The following SH3BP5L variants were observed in gnomAD, a reference collection of about 807,000 sequenced individuals.
SH3BP5L encodes SH3 domain-binding protein 5-like.
In SH3BP5L, 16 loss-of-function variants were observed where a neutral mutation model predicts 40.9. That is an observed-to-expected ratio of 0.39 (90% CI 0.27 to 0.59). The LOEUF (loss-of-function observed/expected upper bound fraction) is 0.59, where lower values mean the gene tolerates loss of function less well. Ranked by LOEUF, SH3BP5L falls within the 20% of genes least tolerant of loss-of-function variation. The probability of loss-of-function intolerance (pLI) is 0.53; values close to 1 mark genes in which losing one functional copy is unlikely to be tolerated. For synonymous variants in SH3BP5L, 229 were observed against 226.7 expected, an observed-to-expected ratio of 1.01 and a Z score of -0.09; for missense variants, 471 against 544.6, an observed-to-expected ratio of 0.86 and a Z score of 1.35.
chr1:248,825,898 GCAA>G lies in SH3BP5L; in HGVS notation c.-498_-496del. 1 of 579,150 alleles carries G rather than the reference GCAA, an allele frequency of 1.7e-6. No individual in the cohort carries two copies. Among genetic ancestry groups the G allele is most frequent in the Non-Finnish European group, 2.1e-6 (1 of 475,180 alleles). The allele number at this position is 579,150 out of a possible 1,614,324, so 35.9% of individuals were successfully genotyped here. On this transcript the variant is annotated 5_prime_UTR_variant, in exon 1 of 7. Transcript: ENST00000366472. The stretch of plus-strand genomic sequence containing the variant: ...AAACAATCTCCCCCCCTCCCTCCCC[GCAA>G]CAAGCCGATCCAACCAAAAACGACC...
chr1:248,822,107 C>T (rs143802240), intron 2 of SH3BP5L, among the ~76,000 whole-genome samples: 107 of 152,166 alleles, frequency 7.0e-4, no homozygotes, highest in Middle Eastern at 6.8e-3. Flanking sequence ...TTTTTATGGA[C>T]GGTGGATGGA....
At chr1:248,819,257 G>T (rs1314414735) in intron 2 of SH3BP5L, among the ~76,000 whole-genome samples, 1 of 152,226 alleles carries the variant, frequency 6.6e-6, no homozygotes, top group Admixed American at 6.5e-5. Flanking sequence ...CTACAACAGT[G>T]TAGACCCTGC....
At chr1:248,819,942 TAA>T (rs1196788744) in intron 2 of SH3BP5L, among the ~76,000 whole-genome samples, 1 of 152,140 alleles carries the variant, frequency 6.6e-6, no homozygotes, top group East Asian at 1.9e-4. Context: ...TAAAAAAATT[TAA>T]AAAAAGAGTG....
intron 5 of SH3BP5L, 163 bp downstream of exon 5, chr1:248,814,286 A>T (rs1440305847): frequency 2.7e-6 from 2 of 741,656 alleles, no homozygotes; most frequent in Non-Finnish European, 4.4e-6. Flanking sequence ...GAAGCAATGG[A>T]GGCCAAACAG....
In SH3BP5L at chr1:248,817,085, A is replaced by G. The variant is rs984009670; in HGVS notation, c.184-201T>C. The stretch of plus-strand genomic sequence containing the variant: ...GACCTGATACATACAATCTCACGTA[A>G]TCCTCACAACTCTACCTTGTATTGG... On this transcript the variant is annotated intron_variant, in intron 2 of 6. Transcript: ENST00000366472. The G allele has an allele frequency of 2.0e-6, 3 of 1,518,374 alleles. No homozygotes were observed. In the African/African-American group the frequency reaches 4.1e-5, roughly 21 times the overall value. 94.1% of individuals were successfully genotyped at this position (1,518,374 alleles called of 1,614,324 possible).
In SH3BP5L at chr1:248,814,674, T is replaced by C. The variant is rs748212337; in HGVS notation, c.376-64A>G. On this transcript the variant is annotated intron_variant, in intron 4 of 6. Coordinates refer to ENST00000366472, the MANE Select transcript of SH3BP5L (RefSeq NM_030645.3). ...GACCCCAGCTGCCCATGGAGACCCATAATAGACGTGAGGATAAGAGAAGGA... is the reference window on the plus strand; with the variant it reads ...GACCCCAGCTGCCCATGGAGACCCACAATAGACGTGAGGATAAGAGAAGGA... The C allele has an allele frequency of 3.2e-6, 5 of 1,549,362 alleles. No individual in the cohort carries two copies. In the Admixed American group the frequency reaches 8.4e-5, roughly 26 times the overall value.
Position 248,824,852 on chromosome 1 carries a change from A to G in SH3BP5L, c.84T>C (p.Pro28=). 6.2e-7 allele frequency: 1 copy of G among 1,614,012 alleles called. No individual in the cohort carries two copies. Among genetic ancestry groups the G allele is most frequent in the Non-Finnish European group, 8.5e-7 (1 of 1,179,978 alleles). Residue 28 remains proline (P), a synonymous_variant, in exon 2 of 7, where the codon CCT becomes CCC. Transcript: ENST00000366472. ...CAGGCTCTTCTGCGACTGGGCTCCTAGGGACTTCATCCTCTACAACTTCAG... is the reference window on the plus strand; with the variant it reads ...CAGGCTCTTCTGCGACTGGGCTCCTGGGGACTTCATCCTCTACAACTTCAG... The part of the protein sequence containing the change: ...LRPEVVEDEV[P]RSPVAEEPGG...
chr1:248,815,525 A>T (rs74157315), intron 4 of SH3BP5L, among the ~76,000 whole-genome samples: 7,580 of 152,238 alleles, frequency 0.05, 521 homozygotes, highest in African/African-American at 0.16. Flanking sequence ...TTGCTGGCCA[A>T]GGACAAACTG....
intron 2 of SH3BP5L, among the ~76,000 whole-genome samples, chr1:248,818,632 C>T (rs1664172587): frequency 6.6e-6 from 1 of 152,158 alleles, no homozygotes; most frequent in African/African-American, 2.4e-5. Flanking sequence ...CTTCCTGGCC[C>T]CTGGAAGGAC....
At chr1:248,824,016 C>T (rs546312433) in intron 2 of SH3BP5L, among the ~76,000 whole-genome samples, 2 of 152,168 alleles carry the variant, frequency 1.3e-5, no homozygotes, top group Non-Finnish European at 2.9e-5. Context: ...CACTGACTAC[C>T]CCCAGGTCTC....
chr1:248,811,912 G>C lies in SH3BP5L; in HGVS notation c.1170C>G (p.Ser390Arg). Reference protein sequence around the residue: ...GGARGGRHQRSVSL With the variant: ...GGARGGRHQRRVSL ...CCTGGCCCCTCGGCTACAGGCTGAC[G>C]CTGCGCTGGTGCCGACCCCCACGGG... The change falls in exon 7 of 7, where the codon AGC becomes AGG. Residue 390 changes from serine to arginine, a missense_variant. Transcript: ENST00000366472. The C allele has an allele frequency of 5.2e-6, 8 of 1,533,104 alleles. No individual in the cohort carries two copies. The highest frequency in any genetic ancestry group is 7.0e-6 in the Non-Finnish European group (8 of 1,137,308). 95.0% of individuals were successfully genotyped at this position (1,533,104 alleles called of 1,614,324 possible).
In SH3BP5L at chr1:248,825,881, T is replaced by TCCCCCCCCCCCC; in HGVS notation, c.-479_-478insGGGGGGGGGGGG. ...CGGAGCTTCTATGCTGCAAACAATC[T>TCCCCCCCCCCCC]CCCCCCCTCCCTCCCCGCAACAAGC... On this transcript the variant is annotated 5_prime_UTR_variant, in exon 1 of 7. Transcript: ENST00000366472. 1 of 941,906 alleles carries TCCCCCCCCCCCC rather than the reference T, an allele frequency of 1.1e-6. No individual in the cohort carries two copies. Among genetic ancestry groups the TCCCCCCCCCCCC allele is most frequent in the Non-Finnish European group, 1.3e-6 (1 of 794,254 alleles). The allele number at this position is 941,906 out of a possible 1,614,324, so 58.3% of individuals were successfully genotyped here.
At position 248,813,008 on chromosome 1, in the gene SH3BP5L, T is replaced by C; in HGVS notation, c.692A>G (p.Gln231Arg). ...AGCTACCTCCAGGATCTGGCTGAAC[T>C]GGGCCTTGAGCTCAAAGTAGGGGCG... The part of the protein sequence containing the change: ...KSRPYFELKA[Q>R]FSQILEEHKA... Residue 231 changes from glutamine to arginine, a missense_variant, in exon 6 of 7, where the codon CAG becomes CGG. Around this residue, in one of 2 missense-constraint regions of SH3BP5L, gnomAD observed 275 missense variants for 370.1 expected, o/e 0.74. Transcript: ENST00000366472. 5 of 1,596,920 alleles carry C rather than the reference T, an allele frequency of 3.1e-6. No individual in the cohort carries two copies. Among genetic ancestry groups the C allele is most frequent in the African/African-American group, 1.3e-5 (1 of 74,614 alleles).
rs1207102024 is a variant in SH3BP5L at position 248,811,354 on chromosome 1, G to C, written c.*546C>G. On this transcript the variant is annotated 3_prime_UTR_variant, in exon 7 of 7. Transcript: ENST00000366472. ...CCGGAGGCACACAGTACATCTTACA[G>C]GTTACACACGGGCAGGCTGGAGCAG... 6.4e-6 allele frequency: 1 copy of C among 155,314 alleles called. No homozygotes were observed. Among genetic ancestry groups the C allele is most frequent in the South Asian group, 2.0e-4 (1 of 4,986 alleles). The allele number at this position is 155,314 out of a possible 1,614,324, so 9.6% of individuals were successfully genotyped here.
intron 5 of SH3BP5L, 155 bp downstream of exon 5, chr1:248,814,294 C>G: frequency 1.2e-6 from 1 of 818,024 alleles, no homozygotes; most frequent in Non-Finnish European, 1.9e-6. Context: ...GGAGGCCAAA[C>G]AGAACAGAAA....
chr1:248,825,489 G>C, intron 1 of SH3BP5L, 123 bp from the exon 2 acceptor site: 2 of 600,254 alleles, frequency 3.3e-6, no homozygotes, highest in Non-Finnish European at 4.2e-6. Flanking sequence ...CATGTATTCC[G>C]ACCAGTCCCT....
chr1:248,811,663 C>T lies in SH3BP5L; in HGVS notation c.*237G>A, dbSNP rs1420730953. 2 of 501,312 alleles carry T rather than the reference C, an allele frequency of 4.0e-6. No homozygotes were observed. Among genetic ancestry groups the T allele is most frequent in the Middle Eastern group, 5.1e-4 (1 of 1,954 alleles). The allele number at this position is 501,312 out of a possible 1,614,324, so 31.1% of individuals were successfully genotyped here. A position where few individuals can be genotyped will look rare whatever the true frequency, so the allele number is the denominator to read the frequency against. Reference sequence around the variant, plus strand: ...TGGCAGGCAGAGGCAGACAGAGCGCCGAGGGCGAGCCTTCTGAATGGGTAA... The same window carrying T: ...TGGCAGGCAGAGGCAGACAGAGCGCTGAGGGCGAGCCTTCTGAATGGGTAA... On this transcript the variant is annotated 3_prime_UTR_variant, in exon 7 of 7. Transcript: ENST00000366472.
Position 248,810,640 on chromosome 1 carries a change from GCCCACGCAT to G in SH3BP5L, c.*1251_*1259del, listed in dbSNP as rs1234473697. 1 of 152,200 alleles carries G rather than the reference GCCCACGCAT, an allele frequency of 6.6e-6. No individual in the cohort carries two copies. The highest frequency in any genetic ancestry group is 1.5e-5 in the Non-Finnish European group (1 of 68,092). 9.4% of individuals were successfully genotyped at this position (152,200 alleles called of 1,614,324 possible). On this transcript the variant is annotated 3_prime_UTR_variant, in exon 7 of 7. Coordinates refer to ENST00000366472, the MANE Select transcript of SH3BP5L (RefSeq NM_030645.3). ...GTAGACCCCCGTGCAGAGTCCAGTT[GCCCACGCAT>G]CCCGGTTGCTGGCAGAACATGGGCC... is the stretch of plus-strand genomic sequence containing the variant.
chr1:248,814,171 C>T (rs1273187414), intron 5 of SH3BP5L: 2 of 487,918 alleles, frequency 4.1e-6, no homozygotes, highest in Non-Finnish European at 7.4e-6. Context: ...GTTGAATCCT[C>T]AGTATCCACC....
Sources: gnomAD v4.1 joint callset for allele counts (sites outside exome capture counted in the v4.1 genomes callset) on GRCh38, gnomAD v4.1.1 for gene constraint, gnomAD v4.1.1 regional missense constraint, MANE v1.5 for transcripts, NCBI Gene and HGNC (gene_info 2026-07-23, HGNC 2026-07-21) for gene names.